The following FAM167A variants were observed in gnomAD, a reference collection of about 807,000 sequenced individuals.
The protein encoded by FAM167A is protein FAM167A.
A neutral mutation model predicts 14.9 loss-of-function variants in FAM167A; 23 were observed. That is an observed-to-expected ratio of 1.55 (90% CI 1.11 to 2.19). The LOEUF is 2.19. Among genes scored for constraint, FAM167A ranks in the 30% most tolerant of loss-of-function variants. The probability of loss-of-function intolerance (pLI) is 0.00; values close to 1 mark genes in which losing one functional copy is unlikely to be tolerated. For missense variants in FAM167A, 401 were observed against 281.5 expected (o/e 1.42, Z -3.04); for synonymous variants, 174 against 117.7 (o/e 1.48, Z -3.10).
rs554329588 is a variant in FAM167A, at chr8:11,433,480, T to G, written c.382-8844A>C. The stretch of plus-strand genomic sequence containing the variant: ...TACGAAACCCTCTGTTCTTTTAGTT[T>G]GGTGAAATAAGGGCTGTGATGGCAG... On this transcript the variant is annotated intron_variant, in intron 2 of 2. Transcript: ENST00000284486. Among the ~76,000 whole-genome samples the G allele has an allele frequency of 3.9e-5, 6 of 152,338 alleles. No homozygotes were observed. In the South Asian group the frequency reaches 1.0e-3, roughly 26 times the overall value.
At chr8:11,474,458 T>G (rs1053756488) in intron 1 of FAM167A, among the ~76,000 whole-genome samples, 2 of 152,170 alleles carry the variant, frequency 1.3e-5, no homozygotes, top group Non-Finnish European at 2.9e-5. Context: ...GAGCACTTCC[T>G]GGCCCAGGAA....
chr8:11,424,535 C>G lies in FAM167A; in HGVS notation c.483G>C (p.Arg161Ser). The G allele has an allele frequency of 6.2e-7, 1 of 1,614,200 alleles. No homozygotes were observed. Among genetic ancestry groups the G allele is most frequent in the East Asian group, 2.2e-5 (1 of 44,878 alleles). ...CGTAGGTGGCATCGTTGAGCATCCT[C>G]CTGTGGAGGCGGCAGGTGTGTTCGA... Reference protein sequence around the residue: ...LKIEHTCRLHRRMLNDATYEL... With the variant: ...LKIEHTCRLHSRMLNDATYEL... The change falls in exon 3 of 3, where the codon AGG (arginine) becomes AGC (serine). Residue 161 changes from arginine (R) to serine (S), a missense_variant. Transcript: ENST00000284486.
chr8:11,466,077 G>A (rs1224366040), intron 1 of FAM167A, among the ~76,000 whole-genome samples: 1 of 152,164 alleles, frequency 6.6e-6, no homozygotes, highest in Non-Finnish European at 1.5e-5. Context: ...CTTCACGGCT[G>A]ACCTGCTCAT....
At chr8:11,464,723 T>C (rs1807684459) in intron 1 of FAM167A, among the ~76,000 whole-genome samples, 1 of 152,152 alleles carries the variant, frequency 6.6e-6, no homozygotes, top group Non-Finnish European at 1.5e-5. Flanking sequence ...CCCAAAGGGT[T>C]CTGGGAATAC....
At chr8:11,445,571 C>CT in intron 1 of FAM167A, 1 of 985,534 alleles carries the variant, frequency 1.0e-6, no homozygotes. Flanking sequence ...ATGGCAGCAC[C>CT]TGTTTGGTAA....
intron 1 of FAM167A, among the ~76,000 whole-genome samples, chr8:11,457,147 G>A (rs979366591): frequency 2.1e-4 from 31 of 150,710 alleles, no homozygotes; most frequent in Non-Finnish European, 4.6e-4. Flanking sequence ...TTAGGGGTGT[G>A]GGTGGGATCA....
At chr8:11,445,621 C>G (rs560125201) in intron 1 of FAM167A, 451 of 984,978 alleles carry the variant, frequency 4.6e-4, no homozygotes, top group Non-Finnish European at 5.4e-4. Context: ...TCCCCATCTC[C>G]AGAGAGGAGG....
At chr8:11,436,133 C>G (rs545098329) in intron 2 of FAM167A, among the ~76,000 whole-genome samples, 5 of 152,218 alleles carry the variant, frequency 3.3e-5, no homozygotes, top group Non-Finnish European at 7.3e-5. Flanking sequence ...CAAGCATGGT[C>G]CGGGGTTGGG....
At chr8:11,461,070 C>T (rs193032969) in intron 1 of FAM167A, among the ~76,000 whole-genome samples, 1 of 152,206 alleles carries the variant, frequency 6.6e-6, no homozygotes, top group Non-Finnish European at 1.5e-5. Flanking sequence ...AATACTGCTT[C>T]CCTGTTGGTC....
At chr8:11,439,305 T>A (rs1204191682) in intron 2 of FAM167A, among the ~76,000 whole-genome samples, 1 of 152,230 alleles carries the variant, frequency 6.6e-6, no homozygotes, top group Admixed American at 6.5e-5. Context: ...ATCGCCCACT[T>A]CCCGTCGGAA....
chr8:11,473,509 C>T (rs1223972883), intron 1 of FAM167A, among the ~76,000 whole-genome samples: 2 of 152,208 alleles, frequency 1.3e-5, no homozygotes, highest in African/African-American at 4.8e-5. Flanking sequence ...CAAAGCCTCC[C>T]TTATACGTAA....
At chr8:11,467,363 C>G (rs976885642), upstream of FAM167A, among the ~76,000 whole-genome samples, 2 of 152,272 alleles carry the variant, frequency 1.3e-5, no homozygotes, top group African/African-American at 4.8e-5. Flanking sequence ...CCTGCTGCAT[C>G]AGAGCCCAGA....
intron 2 of FAM167A, chr8:11,438,312 C>T (rs1215982501): frequency 7.4e-6 from 3 of 406,908 alleles, no homozygotes; most frequent in African/African-American, 2.1e-5. Context: ...GGGTCAGCTG[C>T]AGCTCCCTGG....
chr8:11,471,018 C>T (rs1807945032), upstream of FAM167A, among the ~76,000 whole-genome samples: 1 of 152,140 alleles, frequency 6.6e-6, no homozygotes, highest in African/African-American at 2.4e-5. Context: ...CTGTGCCACC[C>T]GGGGGCTAGA....
chr8:11,424,820 G>A (rs779243865), intron 2 of FAM167A, among the ~76,000 whole-genome samples, 184 bp from the exon 3 acceptor site: 11 of 152,322 alleles, frequency 7.2e-5, no homozygotes, highest in Middle Eastern at 3.4e-3. Flanking sequence ...ATGAGGGTGC[G>A]GTCGCAAAAC....
upstream of FAM167A, among the ~76,000 whole-genome samples, chr8:11,467,177 C>T (rs546414922): frequency 1.1e-4 from 17 of 152,356 alleles, no homozygotes; most frequent in Middle Eastern, 0.01. Context: ...CGAGCGCCTA[C>T]CGTGGGCCAC....
intron 1 of FAM167A, among the ~76,000 whole-genome samples, chr8:11,447,588 C>T (rs969583715): frequency 3.9e-5 from 6 of 152,198 alleles, no homozygotes; most frequent in Non-Finnish European, 5.9e-5. Flanking sequence ...CAGAGGCAGG[C>T]GGGATCACCC....
intron 1 of FAM167A, among the ~76,000 whole-genome samples, chr8:11,459,062 A>T (rs1229484400): frequency 1.3e-5 from 2 of 152,258 alleles, no homozygotes; most frequent in African/African-American, 4.8e-5. Context: ...CGCATGAATG[A>T]CTACTTTTCT....
intron 1 of FAM167A, among the ~76,000 whole-genome samples, chr8:11,457,227 T>C (rs1443215559): frequency 6.6e-6 from 1 of 151,890 alleles, no homozygotes; most frequent in Non-Finnish European, 1.5e-5. Context: ...CGGGTAAGCA[T>C]TCCCTCTGGC....
Sources: allele counts gnomAD v4.1 joint callset (sites outside exome capture counted in the v4.1 genomes callset), GRCh38; gene constraint gnomAD v4.1.1; transcripts MANE v1.5; gene names NCBI Gene and HGNC (gene_info 2026-07-23, HGNC 2026-07-21).